The following NLRP6 variants were observed in gnomAD, a reference collection of about 807,000 sequenced individuals.
The protein encoded by NLRP6 is NLR family pyrin domain containing 6, also known as NACHT, LRR and PYD domains-containing protein 6.
Under a neutral mutation model 70.9 loss-of-function variants are expected in NLRP6, and 55 were observed. The observed-to-expected ratio is 0.78, with a 90% CI of 0.62 to 0.97. The LOEUF is 0.97. Ranked by LOEUF, NLRP6 falls within the 50% of genes least tolerant of loss-of-function variation. The pLI is 0.00. For synonymous variants in NLRP6, 652 were observed against 581.9 expected (o/e 1.12, Z -1.73); for missense variants, 1,241 against 1,238.3 (o/e 1.00, Z -0.03).
chr11:284,102 G>A lies in NLRP6; in HGVS notation c.2199-128G>A, dbSNP rs1845518594. The A allele has an allele frequency of 5.0e-6, 4 of 805,018 alleles. No homozygotes were observed. In the Admixed American group the frequency reaches 8.4e-5, roughly 17 times the overall value. The allele number at this position is 805,018 out of a possible 1,614,324, so 49.9% of individuals were successfully genotyped here. A position where few individuals can be genotyped will look rare whatever the true frequency, so the allele number is the denominator to read the frequency against. ...CAGGGCAGGCTCTGCGAGGTCCAGG[G>A]AAGGATGTGGCACCAACACATCTCT... On this transcript the variant is annotated intron_variant, in intron 5 of 7. Coordinates refer to ENST00000534750, the MANE Select transcript of NLRP6 (RefSeq NM_001276700.2).
intron 1 of NLRP6, 71 bp from the exon 2 acceptor site, chr11:279,256 C>G (rs1293502094): frequency 8.4e-7 from 1 of 1,188,270 alleles, no homozygotes; most frequent in Admixed American, 4.3e-5. Context: ...GGTTCTCCGG[C>G]GCCAGAGTCG....
chr11:280,632 G>A lies in NLRP6; in HGVS notation c.898G>A (p.Glu300Lys). ...PEAAPCTDPFEAASGARVLGG... is the reference protein window; with the variant it reads ...PEAAPCTDPFKAASGARVLGG... ...GGCCGCGCCCTGCACAGACCCCTTC[G>A]AGGCGGCGAGCGGCGCGCGGGTGCT... The change falls in exon 4 of 8, where the codon GAG (glutamate) becomes AAG (lysine). Residue 300 changes from glutamate to lysine, a missense_variant. By Grantham distance (56) the Glu-to-Lys change is moderately conservative (BLOSUM62 1). Transcript: ENST00000534750. 6.7e-7 allele frequency: 1 copy of A among 1,500,636 alleles called. No individual in the cohort carries two copies. The highest frequency in any genetic ancestry group is 8.8e-7 in the Non-Finnish European group (1 of 1,133,950). 93.0% of individuals were successfully genotyped at this position (1,500,636 alleles called of 1,614,324 possible). A position where few individuals can be genotyped will look rare whatever the true frequency, so the allele number is the denominator to read the frequency against.
intron 1 of NLRP6, 62 bp from the exon 2 acceptor site, chr11:279,265 C>CGG: frequency 1.2e-5 from 14 of 1,202,596 alleles, no homozygotes; most frequent in South Asian, 3.9e-5. Flanking sequence ...GCGCCAGAGT[C>CGG]GGGGGCGGGC....
In NLRP6 at chr11:280,739, G is replaced by C. The variant is rs1309639715; in HGVS notation, c.1005G>C (p.Gln335His). The stretch of plus-strand genomic sequence containing the variant: ...GCGCCGCCGCCCCCGGGAGGCTGCA[G>C]GGCCGCCTGTGTTCCCCGCAGTGCG... ...TTRAAAPGRL[Q>H]GRLCSPQCAE... Residue 335 changes from glutamine to histidine, a missense_variant, in exon 4 of 8, where the codon CAG becomes CAC. Physicochemically the swap from Gln to His is conservative, Grantham distance 24 (BLOSUM62 0). Coordinates refer to ENST00000534750, the MANE Select transcript of NLRP6 (RefSeq NM_001276700.2). The C allele has an allele frequency of 6.2e-7, 1 of 1,600,548 alleles. No individual in the cohort carries two copies. The highest frequency in any genetic ancestry group is 1.7e-5 in the Admixed American group (1 of 59,026).
rs771630525 is a variant in NLRP6 at position 281,594 on chromosome 11, G to A, written c.1860G>A (p.Glu620=). ...EEGEEPNYPL[E]LLYCLYETQE... ...GAGAGGAGCCCAACTACCCACTGGA[G>A]TTGCTGTACTGCCTGTACGAGACGC... is the stretch of plus-strand genomic sequence containing the variant. Residue 620 remains glutamate (E), a synonymous_variant, in exon 4 of 8, where the codon GAG becomes GAA. Transcript: ENST00000534750. The A allele has an allele frequency of 2.5e-6, 4 of 1,611,678 alleles. No homozygotes were observed. The highest frequency in any genetic ancestry group is 3.4e-6 in the Non-Finnish European group (4 of 1,178,916).
chr11:282,173 G>T (rs1174965585), intron 4 of NLRP6, among the ~76,000 whole-genome samples: 1 of 152,050 alleles, frequency 6.6e-6, no homozygotes, highest in Non-Finnish European at 1.5e-5. Context: ...CTCTGCACTT[G>T]CCCTTCCCTC....
intron 5 of NLRP6, among the ~76,000 whole-genome samples, chr11:283,683 G>A (rs1187341172): frequency 6.6e-6 from 1 of 152,130 alleles, no homozygotes; most frequent in Non-Finnish European, 1.5e-5. Context: ...CAGAAAGGAA[G>A]AGGAAATCTA....
In NLRP6 at chr11:280,445, C is replaced by A; in HGVS notation, c.711C>A (p.Cys237Ter). 6.3e-7 allele frequency: 1 copy of A among 1,592,032 alleles called. No homozygotes were observed. Among genetic ancestry groups the A allele is most frequent in the Non-Finnish European group, 8.5e-7 (1 of 1,177,428 alleles). ...GQVDFAFFMP[C>*]GELLERPGTR... ...TGGACTTCGCCTTCTTCATGCCCTG[C>A]GGCGAGCTGCTGGAGAGGCCGGGCA... Residue 237 changes from cysteine to a stop codon, truncating the protein, a stop_gained, in exon 4 of 8, where the codon TGC becomes TGA. Coordinates refer to ENST00000534750, the MANE Select transcript of NLRP6 (RefSeq NM_001276700.2). LOFTEE classifies it high-confidence loss of function.
Position 279,345 on chromosome 11 carries a change from G to A in NLRP6, c.48G>A (p.Ala16=). ...APCSSTGPRL[A]VARELLLAAL... is the part of the protein sequence containing the mutation. ...CCTCCAGCACGGGGCCGCGCCTCGC[G>A]GTGGCCCGCGAGCTGCTCCTGGCTG... Residue 16 remains alanine (A), a synonymous_variant, in exon 2 of 8, where the codon GCG becomes GCA. Transcript: ENST00000534750. 2 of 1,288,510 alleles carry A rather than the reference G, an allele frequency of 1.6e-6. No individual in the cohort carries two copies. Among genetic ancestry groups the A allele is most frequent in the South Asian group, 2.3e-5 (1 of 42,962 alleles). 79.8% of individuals were successfully genotyped at this position (1,288,510 alleles called of 1,614,324 possible).
In NLRP6 at chr11:281,391, G is replaced by A; in HGVS notation, c.1657G>A (p.Ala553Thr). 6.2e-7 allele frequency: 1 copy of A among 1,609,804 alleles called. No homozygotes were observed. Among genetic ancestry groups the A allele is most frequent in the Non-Finnish European group, 8.5e-7 (1 of 1,178,664 alleles). ...TTRFLFGLLS[A>T]ERMRDIERHF... The stretch of plus-strand genomic sequence containing the variant: ...GCGCTTCCTCTTCGGACTGCTGAGC[G>A]CGGAGCGGATGCGCGACATCGAGCG... The change falls in exon 4 of 8, where the codon GCG becomes ACG. Residue 553 changes from alanine to threonine, a missense_variant. Ala to Thr is a moderately conservative substitution (Grantham distance 58). Coordinates refer to ENST00000534750, the MANE Select transcript of NLRP6 (RefSeq NM_001276700.2).
chr11:284,204 T>C, intron 5 of NLRP6, 26 bp from the exon 6 acceptor site: 1 of 1,611,100 alleles, frequency 6.2e-7, no homozygotes, highest in African/African-American at 1.3e-5. Context: ...CGCCTGCAGG[T>C]AAATCTCTGT....
rs1460648401 is a variant in NLRP6, at chr11:281,800, G to A, written c.2066G>A (p.Ser689Asn). 1.9e-6 allele frequency: 3 copies of A among 1,594,392 alleles called. No individual in the cohort carries two copies. The highest frequency in any genetic ancestry group is 1.3e-5 in the African/African-American group (1 of 74,748). The change falls in exon 4 of 8, where the codon AGC (serine) becomes AAC (asparagine). Residue 689 changes from serine to asparagine, a missense_variant. Transcript: ENST00000534750. ...LVAAQEKKKKSLGKRLQASLG... is the reference protein window; with the variant it reads ...LVAAQEKKKKNLGKRLQASLG... ...GCTGCGCAGGAGAAGAAGAAGAAGA[G>A]CCTGGGGAAGCGGCTCCAGGCCAGC...
intron 5 of NLRP6, among the ~76,000 whole-genome samples, 199 bp from the exon 6 acceptor site, chr11:284,031 A>G (rs547850599): frequency 5.3e-5 from 8 of 152,190 alleles, no homozygotes; most frequent in Non-Finnish European, 1.2e-4. Context: ...AGAGTGTCGC[A>G]GGGAGAAATG....
chr11:285,319 G>C lies in NLRP6; in HGVS notation c.*15G>C, dbSNP rs753848267. On this transcript the variant is annotated 3_prime_UTR_variant, in exon 8 of 8. Coordinates refer to ENST00000534750, the MANE Select transcript of NLRP6 (RefSeq NM_001276700.2). Reference sequence around the variant, plus strand: ...CGACCTTCTGAGGCTCTGGTGGCCAGAGCAGGGTGGAAGACCCTAGTCAAA... The same window carrying C: ...CGACCTTCTGAGGCTCTGGTGGCCACAGCAGGGTGGAAGACCCTAGTCAAA... The C allele has an allele frequency of 3.7e-6, 6 of 1,604,946 alleles. No individual in the cohort carries two copies. Among genetic ancestry groups the C allele is most frequent in the East Asian group, 2.2e-5 (1 of 44,598 alleles).
At chr11:283,278 G>C (rs1845503967) in intron 5 of NLRP6, among the ~76,000 whole-genome samples, 1 of 151,792 alleles carries the variant, frequency 6.6e-6, no homozygotes, top group African/African-American at 2.4e-5. Flanking sequence ...AGAGAGTTGG[G>C]GTGAGATTTA....
intron 7 of NLRP6, 56 bp from the exon 8 acceptor site, chr11:285,110 G>T: frequency 6.5e-7 from 1 of 1,538,160 alleles, no homozygotes. Context: ...CTGCCCCCAA[G>T]CCCTGGCTGC....
rs577917396 is a variant in NLRP6, at chr11:280,483, C to A, written c.749C>A (p.Ala250Asp). The A allele has an allele frequency of 1.9e-6, 3 of 1,591,802 alleles. No homozygotes were observed. The highest frequency in any genetic ancestry group is 1.4e-5 in the African/African-American group (1 of 73,942). Residue 250 changes from alanine to aspartate, a missense_variant, in exon 4 of 8, where the codon GCT becomes GAT. Ala to Asp is a moderately radical substitution (Grantham distance 126, BLOSUM62 -2). Transcript: ENST00000534750. ...LLERPGTRSL[A>D]DLILDQCPDR... is the part of the protein sequence containing the mutation. ...GAGAGGCCGGGCACGCGCAGCCTGG[C>A]TGACCTGATCCTGGACCAGTGCCCC...
rs1845520979 is a variant in NLRP6, at chr11:284,232, T to C, written c.2201T>C (p.Leu734Pro). ...DPLCHLSSLT[L>P]SHCKLPDAVC... ...ATCTCTGTGCTTCTTGACCACAGGC[T>C]GTCCCACTGCAAACTCCCTGACGCG... The change falls in exon 6 of 8, where the codon CTG becomes CCG. Residue 734 changes from leucine to proline, a missense_variant and splice_region_variant. Coordinates refer to ENST00000534750, the MANE Select transcript of NLRP6 (RefSeq NM_001276700.2). 3.7e-6 allele frequency: 6 copies of C among 1,613,244 alleles called. No homozygotes were observed. Among genetic ancestry groups the C allele is most frequent in the East Asian group, 4.5e-5 (2 of 44,886 alleles).
chr11:278,931 A>C lies in NLRP6; in HGVS notation c.29+333A>C. ...CTGCTCCGGGATCGGGAAGAGAGGG[A>C]AAAGAAGGAAAGCGAGGAAAGAGAG... On this transcript the variant is annotated intron_variant, in intron 1 of 7. Transcript: ENST00000534750. This position sits in a 1 kb window ranked among gnomAD's most constrained non-coding sequence, Gnocchi z 4.7. 2.8e-6 allele frequency: 1 copy of C among 353,084 alleles called. No homozygotes were observed. Among genetic ancestry groups the C allele is most frequent in the Non-Finnish European group, 5.1e-6 (1 of 196,274 alleles). 21.9% of individuals were successfully genotyped at this position (353,084 alleles called of 1,614,324 possible).
Sources: gnomAD v4.1 joint callset for allele counts (sites outside exome capture counted in the v4.1 genomes callset) on GRCh38, gnomAD v4.1.1 for gene constraint, Gnocchi (gnomAD v3.1) non-coding constraint, MANE v1.5 for transcripts, NCBI Gene and HGNC (gene_info 2026-07-23, HGNC 2026-07-21) for gene names.